Variants in VPS4A observed in about 807,000 individuals in gnomAD.
VPS4A encodes the protein vacuolar protein sorting-associated protein 4A.
Under a neutral mutation model 52.3 loss-of-function variants are expected in VPS4A, and 20 were observed. The observed-to-expected ratio is 0.38, with a 90% CI of 0.27 to 0.56. The LOEUF is 0.56. Ranked by LOEUF, VPS4A falls within the 20% of genes least tolerant of loss-of-function variation. The pLI is 0.72. For synonymous variants in VPS4A, 293 were observed against 227.7 expected, an observed-to-expected ratio of 1.29 and a Z score of -2.58; for missense variants, 419 against 575.9, an observed-to-expected ratio of 0.73 and a Z score of 2.79.
Position 69,323,943 on chromosome 16 carries a change from CCAAAAAA to C in VPS4A, c.1213-264_1213-258del, listed in dbSNP as rs1270304300. The stretch of plus-strand genomic sequence containing the variant: ...CCAGCCTGGGTGACAGACTCCGTCT[CCAAAAAA>C]AAAAAAAAAAAAAAAGAAAGCAAGT... On this transcript the variant is annotated intron_variant, in intron 10 of 10. Transcript: ENST00000254950. 9.6e-4 allele frequency among the ~76,000 whole-genome samples: 104 copies of C among 108,652 alleles called. 1 individual carries two copies. In the Middle Eastern group the frequency reaches 0.016, roughly 17 times the overall value. The allele number at this position is 108,652 out of a possible 152,430, so 71.3% of individuals were successfully genotyped here.
In VPS4A at chr16:69,323,671, C is replaced by T. The variant is rs1041670107; in HGVS notation, c.1213-537C>T. On this transcript the variant is annotated intron_variant, in intron 10 of 10. Transcript: ENST00000254950. ...GTGTGCAGCTAAGAAGGCTCCTGGC[C>T]GGGCGCCGTGGCTCCCGCCTGTAAT... The T allele has an allele frequency of 4.8e-5, 22 of 455,688 alleles. No homozygotes were observed. The East Asian group carries it at 1.2e-3, about 25-fold the overall frequency. 28.2% of individuals were successfully genotyped at this position (455,688 alleles called of 1,614,324 possible). A position where few individuals can be genotyped will look rare whatever the true frequency, so the allele number is the denominator to read the frequency against.
chr16:69,318,746 G>C (rs1386515174), intron 4 of VPS4A, 35 bp downstream of exon 4: 2 of 1,613,414 alleles, frequency 1.2e-6, no homozygotes, highest in Non-Finnish European at 1.7e-6. Flanking sequence ...AGCGGCAGGG[G>C]ATGAGAGTGG....
At chr16:69,316,968 C>T (rs1965444887) in intron 3 of VPS4A, among the ~76,000 whole-genome samples, 1 of 152,096 alleles carries the variant, frequency 6.6e-6, no homozygotes, top group African/African-American at 2.4e-5. Context: ...ACTGGGTTCG[C>T]CCACCACGGT....
intron 10 of VPS4A, chr16:69,323,208 A>C (rs552016536): frequency 6.0e-6 from 1 of 167,382 alleles, no homozygotes; most frequent in East Asian, 1.8e-4. Flanking sequence ...GAAAGGCTAG[A>C]TGCAGTGGTG....
chr16:69,319,943 T>C (rs1338262507), intron 6 of VPS4A, among the ~76,000 whole-genome samples, 198 bp from the exon 7 acceptor site: 1 of 152,096 alleles, frequency 6.6e-6, no homozygotes, highest in Non-Finnish European at 1.5e-5. Flanking sequence ...AGGCTCTGCG[T>C]TTGGGGCTGA....
chr16:69,318,685 AAAAG>A lies in VPS4A; in HGVS notation c.321_324del (p.Lys107AsnfsTer6). On this transcript the variant is annotated frameshift_variant, in exon 4 of 11. Coordinates refer to ENST00000254950, the MANE Select transcript of VPS4A (RefSeq NM_013245.3). LOFTEE classifies it high-confidence loss of function. The stretch of plus-strand genomic sequence containing the variant: ...GACAGTGAAGGGGATAATCCGGAGA[AAAAG>A]AAACTGCAAGAACAGCTGATGGGTA... 2 of 1,613,526 alleles carry A rather than the reference AAAAG, an allele frequency of 1.2e-6. No homozygotes were observed. Among genetic ancestry groups the A allele is most frequent in the South Asian group, 1.1e-5 (1 of 91,058 alleles).
Position 69,320,608 on chromosome 16 carries a change from G to A in VPS4A, c.770-80G>A. 7.9e-7 allele frequency: 1 copy of A among 1,263,122 alleles called. No homozygotes were observed. Among genetic ancestry groups the A allele is most frequent in the Non-Finnish European group, 1.1e-6 (1 of 901,206 alleles). The allele number at this position is 1,263,122 out of a possible 1,614,324, so 78.2% of individuals were successfully genotyped here. On this transcript the variant is annotated intron_variant, in intron 7 of 10. Transcript: ENST00000254950. This position sits in a 1 kb window ranked among gnomAD's most constrained non-coding sequence, Gnocchi z 4.2. Reference sequence around the variant, plus strand: ...ATGGCTTCAATTGCTGACACACAAAGCCCCCGGGGTCTGTCCCCAGGTTTC... The same window carrying A: ...ATGGCTTCAATTGCTGACACACAAAACCCCCGGGGTCTGTCCCCAGGTTTC...
intron 1 of VPS4A, among the ~76,000 whole-genome samples, chr16:69,312,963 C>A (rs1165292529): frequency 6.6e-6 from 1 of 150,768 alleles, no homozygotes; most frequent in Non-Finnish European, 1.5e-5. Context: ...ATAACTCACC[C>A]GTTATATATT....
intron 10 of VPS4A, 59 bp downstream of exon 10, chr16:69,322,759 TG>T: frequency 6.4e-7 from 1 of 1,554,110 alleles, no homozygotes. Flanking sequence ...ATTGAGGGTT[TG>T]GGTCCAGAAT....
Position 69,319,560 on chromosome 16 carries a change from G to T in VPS4A, c.620+17G>T. ...GAGTGAAAAGTAAGTCGGCCACCAG[G>T]CCATGCTCTGCCAGCAGCCCCGGCA... is the stretch of plus-strand genomic sequence containing the variant. On this transcript the variant is annotated intron_variant, in intron 6 of 10. Coordinates refer to ENST00000254950, the MANE Select transcript of VPS4A (RefSeq NM_013245.3). The T allele has an allele frequency of 6.2e-7, 1 of 1,602,690 alleles. No individual in the cohort carries two copies. The highest frequency in any genetic ancestry group is 8.5e-7 in the Non-Finnish European group (1 of 1,174,902).
chr16:69,318,399 C>T (rs1567423149), intron 3 of VPS4A, among the ~76,000 whole-genome samples: 1 of 152,236 alleles, frequency 6.6e-6, no homozygotes, highest in South Asian at 2.1e-4. Flanking sequence ...GAGGGCCGAC[C>T]CGGATTCCCA....
rs1030314600 is a variant in VPS4A, at chr16:69,311,371, T to G, written c.-141T>G. 8 of 955,536 alleles carry G rather than the reference T, an allele frequency of 8.4e-6. No homozygotes were observed. The African/African-American group carries it at 1.4e-4, about 16-fold the overall frequency. 59.2% of individuals were successfully genotyped at this position (955,536 alleles called of 1,614,324 possible). ...GCTTGCCCTCGGACTCGGCTCCCGCTGCGAGCGGCCGCCCTGCCCGCGCAC... is the reference window on the plus strand; with the variant it reads ...GCTTGCCCTCGGACTCGGCTCCCGCGGCGAGCGGCCGCCCTGCCCGCGCAC... On this transcript the variant is annotated 5_prime_UTR_variant, in exon 1 of 11. Coordinates refer to ENST00000254950, the MANE Select transcript of VPS4A (RefSeq NM_013245.3).
chr16:69,322,244 A>G (rs1965522340), intron 9 of VPS4A: 1 of 204,828 alleles, frequency 4.9e-6, no homozygotes, highest in Non-Finnish European at 9.7e-6. Flanking sequence ...GAATTCTGGG[A>G]GATAGATACA....
chr16:69,323,331 T>C (rs1965537058), intron 10 of VPS4A: 1 of 205,584 alleles, frequency 4.9e-6, no homozygotes, highest in Admixed American at 5.5e-5. Context: ...TTCCTTTTTT[T>C]TTTAGAAACG....
intron 5 of VPS4A, among the ~76,000 whole-genome samples, 168 bp from the exon 6 acceptor site, chr16:69,319,219 A>ATGTGC (rs1965478880): frequency 1.3e-5 from 2 of 151,976 alleles, no homozygotes; most frequent in Non-Finnish European, 2.9e-5. Context: ...TCATGGGGTC[A>ATGTGC]TAGCACAGGG....
rs951587565 is a variant in VPS4A, at chr16:69,318,672, G to A, written c.304G>A (p.Asp102Asn). ...GKGSDSDSEG[D>N]NPEKKKLQEQ... ...CAGCAGTGACAGTGACAGTGAAGGG[G>A]ATAATCCGGAGAAAAAGAAACTGCA... Residue 102 changes from aspartate to asparagine, a missense_variant, in exon 4 of 11, where the codon GAT becomes AAT. Physicochemically the swap from Asp to Asn is conservative, Grantham distance 23. This residue lies in a region of VPS4A where 131 missense variants were observed against 165.4 expected (regional missense o/e 0.79). Coordinates refer to ENST00000254950, the MANE Select transcript of VPS4A (RefSeq NM_013245.3). The A allele has an allele frequency of 6.2e-7, 1 of 1,612,550 alleles. No homozygotes were observed. The highest frequency in any genetic ancestry group is 8.5e-7 in the Non-Finnish European group (1 of 1,179,244).
In VPS4A at chr16:69,320,084, G is replaced by A. The variant is rs2143262415; in HGVS notation, c.621-57G>A. 1.9e-6 allele frequency: 3 copies of A among 1,560,690 alleles called. No individual in the cohort carries two copies. Among genetic ancestry groups the A allele is most frequent in the Non-Finnish European group, 2.6e-6 (3 of 1,146,480 alleles). On this transcript the variant is annotated intron_variant, in intron 6 of 10. Transcript: ENST00000254950. This position sits in a 1 kb window ranked among gnomAD's most constrained non-coding sequence, Gnocchi z 4.2. Reference sequence around the variant, plus strand: ...GGGTGAGAAGAGGGAAGTGCCGGGAGCCCAGGCGGGCACGGACGTGAACGT... The same window carrying A: ...GGGTGAGAAGAGGGAAGTGCCGGGAACCCAGGCGGGCACGGACGTGAACGT...
At position 69,320,666 on chromosome 16, in the gene VPS4A, CTT is replaced by C. The variant is rs761384021; in HGVS notation, c.770-20_770-19del. 1.9e-6 allele frequency: 3 copies of C among 1,582,868 alleles called. No homozygotes were observed. Among genetic ancestry groups the C allele is most frequent in the Middle Eastern group, 1.7e-4 (1 of 6,026 alleles). The stretch of plus-strand genomic sequence containing the variant: ...CCGTGCAGGTGTCCAGAGTCTGAGT[CTT>C]TGTCTCCCTTTCTCCACAGGGGTGG... On this transcript the variant is annotated intron_variant, in intron 7 of 10. Transcript: ENST00000254950. The surrounding 1 kb of genome is among the most constrained non-coding windows in gnomAD (Gnocchi z 4.2).
rs551505028 is a variant in VPS4A, at chr16:69,325,261, G to C, written c.*952G>C. ...TGGCTGGGGATGTTTGTGGGATCCA[G>C]ACAGTTCTTGCCGTTGTTCGGCCTA... On this transcript the variant is annotated 3_prime_UTR_variant, in exon 11 of 11. Coordinates refer to ENST00000254950, the MANE Select transcript of VPS4A (RefSeq NM_013245.3). The C allele has an allele frequency of 6.6e-6, 1 of 152,294 alleles. No individual in the cohort carries two copies. The highest frequency in any genetic ancestry group is 1.5e-5 in the Non-Finnish European group (1 of 68,114). The allele number at this position is 152,294 out of a possible 1,614,324, so 9.4% of individuals were successfully genotyped here.
Sources: gnomAD v4.1 joint callset for allele counts (sites outside exome capture counted in the v4.1 genomes callset) on GRCh38, gnomAD v4.1.1 for gene constraint, gnomAD v4.1.1 regional missense constraint, Gnocchi (gnomAD v3.1) non-coding constraint, MANE v1.5 for transcripts, NCBI Gene and HGNC (gene_info 2026-07-23, HGNC 2026-07-21) for gene names.